Variants in RNF38 observed in about 807,000 individuals in gnomAD.
RNF38 encodes E3 ubiquitin-protein ligase RNF38.
Under a neutral mutation model 67.2 loss-of-function variants are expected in RNF38, and 15 were observed. That is an observed-to-expected ratio of 0.22 (90% CI 0.15 to 0.34). The LOEUF is 0.34. RNF38 is among the 10% of genes least tolerant of loss of function. The pLI is 1.00. For synonymous variants in RNF38, 220 were observed against 218.8 expected, an observed-to-expected ratio of 1.01 and a Z score of -0.05; for missense variants, 524 against 639.9, an observed-to-expected ratio of 0.82 and a Z score of 1.95.
intron 1 of RNF38, among the ~76,000 whole-genome samples, chr9:36,448,472 G>A (rs1018802010): frequency 6.6e-6 from 1 of 152,110 alleles, no homozygotes; most frequent in African/African-American, 2.4e-5. Context: ...TTTTCTTTTT[G>A]GTAAATCTGT....
chr9:36,369,980 C>T (rs1057283626), intron 3 of RNF38, 48 bp from the exon 4 acceptor site: 1 of 1,478,430 alleles, frequency 6.8e-7, no homozygotes, highest in Non-Finnish European at 9.3e-7. Context: ...TGTGATCCAT[C>T]AGGATTCTGT....
intron 1 of RNF38, among the ~76,000 whole-genome samples, chr9:36,396,277 C>G (rs1474116825): frequency 6.6e-6 from 1 of 152,190 alleles, no homozygotes; most frequent in East Asian, 1.9e-4. Context: ...AAGCTTTGAT[C>G]AAGGAAGAGA....
intron 1 of RNF38, among the ~76,000 whole-genome samples, chr9:36,454,182 G>A (rs1005004673): frequency 6.6e-6 from 1 of 151,452 alleles, no homozygotes; most frequent in African/African-American, 2.4e-5. Context: ...GAAGTGCAGT[G>A]GCGCAATCTC....
upstream of RNF38, among the ~76,000 whole-genome samples, chr9:36,404,948 G>A (rs1838143417): frequency 6.6e-6 from 1 of 151,934 alleles, no homozygotes; most frequent in African/African-American, 2.4e-5. Context: ...AAAATTAAAG[G>A]AGTTCTCTGC....
intron 2 of RNF38, among the ~76,000 whole-genome samples, chr9:36,422,404 G>C (rs1838653767): frequency 1.3e-5 from 2 of 151,458 alleles, no homozygotes; most frequent in South Asian, 2.1e-4. Context: ...GCAACGAAGG[G>C]AGACTCAGTC....
chr9:36,397,809 A>T (rs1200633963), intron 1 of RNF38, among the ~76,000 whole-genome samples: 1 of 152,228 alleles, frequency 6.6e-6, no homozygotes, highest in Non-Finnish European at 1.5e-5. Flanking sequence ...CCAAAATCTA[A>T]ATTTGCCTAC....
intron 1 of RNF38, among the ~76,000 whole-genome samples, chr9:36,429,981 T>C (rs1265621483): frequency 6.6e-6 from 1 of 152,158 alleles, no homozygotes; most frequent in African/African-American, 2.4e-5. Flanking sequence ...TATATGACTA[T>C]TTCTTGGTTA....
At chr9:36,451,317 T>C (rs1839432909) in intron 1 of RNF38, among the ~76,000 whole-genome samples, 1 of 151,514 alleles carries the variant, frequency 6.6e-6, no homozygotes, top group South Asian at 2.1e-4. Flanking sequence ...TAGAAAAGAT[T>C]AGCCAGGTGT....
chr9:36,342,516 T>A, intron 10 of RNF38, 92 bp from the exon 11 acceptor site: 2 of 792,880 alleles, frequency 2.5e-6, no homozygotes, highest in Non-Finnish European at 4.2e-6. Context: ...TATTCTGTTA[T>A]CAAAACGTCA....
At chr9:36,339,912 T>G in intron 11 of RNF38, 98 bp from the exon 12 acceptor site, 1 of 1,053,948 alleles carries the variant, frequency 9.5e-7, no homozygotes, top group South Asian at 1.4e-5. Context: ...GTTTTTACAT[T>G]CTTTCTTCCT....
At chr9:36,445,538 C>G (rs1439722680) in intron 1 of RNF38, among the ~76,000 whole-genome samples, 1 of 152,092 alleles carries the variant, frequency 6.6e-6, no homozygotes, top group Non-Finnish European at 1.5e-5. Flanking sequence ...GGAACCCATA[C>G]GGGTATAGAG....
At chr9:36,472,220 G>A (rs761625624) in intron 1 of RNF38, among the ~76,000 whole-genome samples, 1 of 152,118 alleles carries the variant, frequency 6.6e-6, no homozygotes, top group African/African-American at 2.4e-5. Flanking sequence ...TAAAAACTAA[G>A]AACAGTGAGT....
intron 2 of RNF38, among the ~76,000 whole-genome samples, chr9:36,378,096 T>C (rs1835912300): frequency 1.3e-5 from 2 of 151,926 alleles, no homozygotes; most frequent in African/African-American, 4.8e-5. Context: ...CCTGACAAAC[T>C]TGCACATGAA....
intron 1 of RNF38, among the ~76,000 whole-genome samples, chr9:36,399,570 G>C (rs1317404518): frequency 1.3e-5 from 2 of 149,146 alleles, no homozygotes; most frequent in Non-Finnish European, 3.0e-5. Context: ...AGGAGTATCT[G>C]AAGTGACACA....
intron 3 of RNF38, among the ~76,000 whole-genome samples, chr9:36,372,129 C>T (rs1835426103): frequency 1.3e-5 from 2 of 152,082 alleles, no homozygotes; most frequent in Non-Finnish European, 2.9e-5. Flanking sequence ...CAGGGTTTCA[C>T]CATATTGGCC....
At chr9:36,423,813 G>A (rs1337576479) in intron 2 of RNF38, among the ~76,000 whole-genome samples, 6 of 89,516 alleles carry the variant, frequency 6.7e-5, no homozygotes, top group African/African-American at 2.4e-4. Context: ...GCCGGGCGTG[G>A]TGGCGGGCGC....
chr9:36,416,487 T>G (rs1168764522), intron 2 of RNF38, among the ~76,000 whole-genome samples: 2 of 152,160 alleles, frequency 1.3e-5, no homozygotes, highest in East Asian at 1.9e-4. Flanking sequence ...ATTTCAGGTC[T>G]TGCCCCTCCC....
intron 1 of RNF38, among the ~76,000 whole-genome samples, chr9:36,470,873 G>A (rs1178116549): frequency 2.0e-5 from 3 of 152,040 alleles, no homozygotes; most frequent in African/African-American, 7.2e-5. Context: ...AAGACTCATA[G>A]ATTTTATTTC....
chr9:36,371,743 C>T (rs1474268072), intron 3 of RNF38, among the ~76,000 whole-genome samples: 2 of 152,074 alleles, frequency 1.3e-5, no homozygotes, highest in Admixed American at 6.5e-5. Context: ...GGAGCCACTG[C>T]ACCTGGCCTA....
Sources: gnomAD v4.1 joint callset for allele counts (sites outside exome capture counted in the v4.1 genomes callset) on GRCh38, gnomAD v4.1.1 for gene constraint, MANE v1.5 for transcripts, NCBI Gene and HGNC (gene_info 2026-07-23, HGNC 2026-07-21) for gene names.